CDC14A: variants seen among roughly 807,000 people sequenced by gnomAD.
CDC14A encodes the protein cell division cycle 14A, also known as dual specificity protein phosphatase CDC14A.
In CDC14A, 53 loss-of-function variants were observed where a neutral mutation model predicts 74.4. The ratio of observed to expected loss-of-function variants is 0.71; its 90% confidence interval spans 0.57 to 0.89. CDC14A has a LOEUF of 0.89. CDC14A is among the 40% of genes least tolerant of loss of function. CDC14A has a pLI of 0.00. For missense variants in CDC14A, 646 were observed against 713.7 expected, an observed-to-expected ratio of 0.91 and a Z score of 1.08; for synonymous variants, 247 against 258.4, an observed-to-expected ratio of 0.96 and a Z score of 0.43.
chr1:100,494,305 C>T (rs1194757664), intron 11 of CDC14A, among the ~76,000 whole-genome samples: 1 of 152,102 alleles, frequency 6.6e-6, no homozygotes, highest in Non-Finnish European at 1.5e-5. Context: ...TGAACATGGT[C>T]CTTTAAATCC....
At chr1:100,473,590 G>A (rs964841591) in intron 10 of CDC14A, among the ~76,000 whole-genome samples, 1 of 152,074 alleles carries the variant, frequency 6.6e-6, no homozygotes, top group East Asian at 1.9e-4. Context: ...GTTTTACCAT[G>A]TTGGCCAGGC....
chr1:100,347,462 G>T (rs1333417996), intron 1 of CDC14A, among the ~76,000 whole-genome samples: 3 of 152,126 alleles, frequency 2.0e-5, no homozygotes, highest in African/African-American at 7.2e-5. Flanking sequence ...TTTGATTCTG[G>T]TTTGGAATTC....
chr1:100,348,936 T>C (rs1056099807), upstream of CDC14A, among the ~76,000 whole-genome samples: 9 of 152,238 alleles, frequency 5.9e-5, no homozygotes, highest in African/African-American at 1.9e-4. Context: ...GGCTCATATC[T>C]GTAATTCCAG....
intron 4 of CDC14A, among the ~76,000 whole-genome samples, chr1:100,405,476 G>A (rs1429302865): frequency 6.6e-6 from 1 of 152,122 alleles, no homozygotes; most frequent in East Asian, 1.9e-4. Flanking sequence ...TTGCTGCACA[G>A]ATCAACCCAT....
At chr1:100,401,363 CTTGG>C (rs2101013674) in intron 4 of CDC14A, among the ~76,000 whole-genome samples, 1 of 152,222 alleles carries the variant, frequency 6.6e-6, no homozygotes, top group African/African-American at 2.4e-5. Flanking sequence ...ATAAATAAGT[CTTGG>C]TTGACTTCCA....
intron 15 of CDC14A, among the ~76,000 whole-genome samples, chr1:100,515,790 C>A (rs1650166659): frequency 6.6e-6 from 1 of 152,204 alleles, no homozygotes; most frequent in African/African-American, 2.4e-5. Context: ...TTTTACTGAT[C>A]TTTCATTTCA....
At chr1:100,403,039 T>C (rs1659480980) in intron 4 of CDC14A, among the ~76,000 whole-genome samples, 1 of 152,156 alleles carries the variant, frequency 6.6e-6, no homozygotes, top group South Asian at 2.1e-4. Flanking sequence ...TGTCCATGGA[T>C]GTGTTGGGGT....
intron 9 of CDC14A, among the ~76,000 whole-genome samples, chr1:100,463,501 T>C (rs1342448116): frequency 6.6e-6 from 1 of 152,212 alleles, no homozygotes; most frequent in Non-Finnish European, 1.5e-5. Context: ...GGTGGATACT[T>C]TGGGGCAGGA....
At chr1:100,443,836 G>A (rs186344053) in intron 7 of CDC14A, among the ~76,000 whole-genome samples, 50 of 152,158 alleles carry the variant, frequency 3.3e-4, no homozygotes, top group African/African-American at 1.1e-3. Context: ...AGTAGGATAA[G>A]GAGGAGTCTA....
chr1:100,416,206 G>A (rs1661511160), intron 4 of CDC14A, among the ~76,000 whole-genome samples: 1 of 152,096 alleles, frequency 6.6e-6, no homozygotes, highest in African/African-American at 2.4e-5. Context: ...GGACTTGTGT[G>A]GTTCATTCTT....
At chr1:100,361,099 T>TAA (rs11339221) in intron 2 of CDC14A, among the ~76,000 whole-genome samples, 1 of 140,264 alleles carries the variant, frequency 7.1e-6, no homozygotes, top group Admixed American at 7.2e-5. Context: ...CCTTTGTGCT[T>TAA]AAAAAAAAAA....
intron 8 of CDC14A, among the ~76,000 whole-genome samples, chr1:100,458,414 T>C (rs1212589176): frequency 6.6e-6 from 1 of 152,232 alleles, no homozygotes; most frequent in Non-Finnish European, 1.5e-5. Context: ...TCTATGCATG[T>C]ATTGTGCCCT....
At chr1:100,481,426 C>T (rs1398633040) in intron 10 of CDC14A, among the ~76,000 whole-genome samples, 2 of 152,124 alleles carry the variant, frequency 1.3e-5, no homozygotes, top group Non-Finnish European at 2.9e-5. Context: ...ACAACAGCTT[C>T]CATTGTGTTC....
intron 15 of CDC14A, among the ~76,000 whole-genome samples, chr1:100,516,524 A>C (rs1650240857): frequency 6.6e-6 from 1 of 152,188 alleles, no homozygotes; most frequent in Non-Finnish European, 1.5e-5. Context: ...GTAAAAGTTA[A>C]ATATTCTCAA....
chr1:100,449,477 C>T lies in CDC14A; in HGVS notation c.520-5928C>T, dbSNP rs1233623384. Among the ~76,000 whole-genome samples the T allele has an allele frequency of 2.0e-5, 3 of 152,184 alleles. No individual in the cohort carries two copies. In the East Asian group the frequency reaches 5.8e-4, roughly 29 times the overall value. ...CCACCCTTGTCCTTTTCCACTCCCTCCCCATACCCAAATCCACGCAGCTTA... is the reference window on the plus strand; with the variant it reads ...CCACCCTTGTCCTTTTCCACTCCCTTCCCATACCCAAATCCACGCAGCTTA... On this transcript the variant is annotated intron_variant, in intron 7 of 15. Transcript: ENST00000336454.
Position 100,455,458 on chromosome 1 carries a change from T to C in CDC14A, c.573T>C (p.Phe191=), listed in dbSNP as rs1666587681. 1 of 1,600,118 alleles carries C rather than the reference T, an allele frequency of 6.2e-7. No homozygotes were observed. Among genetic ancestry groups the C allele is most frequent in the Non-Finnish European group, 8.5e-7 (1 of 1,175,868 alleles). Residue 191 remains phenylalanine, a synonymous_variant, in exon 8 of 16, where the codon TTT becomes TTC. Transcript: ENST00000336454. ...NWIVPGKFLA[F]SGPHPKSKIE... ...TTGTTCCAGGAAAATTTTTAGCATT[T>C]AGTGGACCACATCCTAAAAGCAAAA...
chr1:100,485,375 AAAAG>A, intron 11 of CDC14A: 1 of 913,122 alleles, frequency 1.1e-6, no homozygotes, highest in Non-Finnish European at 1.3e-6. Flanking sequence ...AAAGGAGAAA[AAAAG>A]AAAAGAAAAA....
rs192809280 is a variant in CDC14A at position 100,360,017 on chromosome 1, A to G, written c.140+6165A>G. On this transcript the variant is annotated intron_variant, in intron 2 of 15. Coordinates refer to ENST00000336454, the MANE Select transcript of CDC14A (RefSeq NM_003672.4). ...GAGTGCAGTGGTGCGATCTCAGCTC[A>G]CTGTAACCTCCGCCTCCTGGGTTCA... 2.8e-5 allele frequency among the ~76,000 whole-genome samples: 4 copies of G among 141,968 alleles called. No individual in the cohort carries two copies. In the East Asian group the frequency reaches 8.2e-4, roughly 29 times the overall value. The allele number at this position is 141,968 out of a possible 152,430, so 93.1% of individuals were successfully genotyped here.
rs1651234759 is a variant in CDC14A at position 100,352,707 on chromosome 1, G to A, written c.-248G>A. ...AGCTGCAGCAGCCGAGTCCAAATAGGAGCGGCCACAGCCAGGGGCGTGAGC... is the reference window on the plus strand; with the variant it reads ...AGCTGCAGCAGCCGAGTCCAAATAGAAGCGGCCACAGCCAGGGGCGTGAGC... On this transcript the variant is annotated 5_prime_UTR_variant, in exon 1 of 16. Coordinates refer to ENST00000336454, the MANE Select transcript of CDC14A (RefSeq NM_003672.4). The A allele has an allele frequency of 6.6e-6, 9 of 1,364,272 alleles. No homozygotes were observed. Among genetic ancestry groups the A allele is most frequent in the Non-Finnish European group, 8.5e-6 (9 of 1,062,846 alleles). The allele number at this position is 1,364,272 out of a possible 1,614,324, so 84.5% of individuals were successfully genotyped here.
Sources: allele counts gnomAD v4.1 joint callset (sites outside exome capture counted in the v4.1 genomes callset), GRCh38; gene constraint gnomAD v4.1.1; transcripts MANE v1.5; gene names NCBI Gene and HGNC (gene_info 2026-07-23, HGNC 2026-07-21).